The following MYO10 variants were observed in gnomAD, a reference collection of about 807,000 sequenced individuals.
MYO10 encodes unconventional myosin-X.
Under a neutral mutation model 257.3 loss-of-function variants are expected in MYO10, and 133 were observed. That is an observed-to-expected ratio of 0.52 (90% CI 0.45 to 0.60). MYO10 has a LOEUF of 0.60. Ranked by LOEUF, MYO10 falls within the 20% of genes least tolerant of loss-of-function variation. MYO10 has a pLI of 0.00. For synonymous variants in MYO10, 1,104 were observed against 1,028.6 expected (o/e 1.07, Z -1.40); for missense variants, 2,399 against 2,635.7 (o/e 0.91, Z 1.97).
chr5:16,788,400 C>T (rs1299305049), intron 4 of MYO10, among the ~76,000 whole-genome samples: 1 of 152,154 alleles, frequency 6.6e-6, no homozygotes, highest in Non-Finnish European at 1.5e-5. Flanking sequence ...TTATGACTGG[C>T]ATACTTTACC....
chr5:16,703,229 A>G (rs1738168810), intron 22 of MYO10, 71 bp from the exon 23 acceptor site: 6 of 1,205,126 alleles, frequency 5.0e-6, no homozygotes, highest in Non-Finnish European at 7.0e-6. Flanking sequence ...ATGAGCTCAC[A>G]TCAAGGCTAC....
intron 26 of MYO10, among the ~76,000 whole-genome samples, chr5:16,695,930 A>G (rs1471360921): frequency 6.6e-6 from 1 of 152,224 alleles, no homozygotes; most frequent in African/African-American, 2.4e-5. Flanking sequence ...CAAGCTGCAG[A>G]GCCGTGTCCT....
chr5:16,827,942 G>A (rs1489726097), intron 2 of MYO10, among the ~76,000 whole-genome samples: 1 of 152,096 alleles, frequency 6.6e-6, no homozygotes, highest in Non-Finnish European at 1.5e-5. Flanking sequence ...CACAGCACAG[G>A]GAGAGTTCAA....
intron 4 of MYO10, among the ~76,000 whole-genome samples, chr5:16,788,173 GA>G (rs1217508827): frequency 1.3e-5 from 2 of 152,138 alleles, no homozygotes; most frequent in Non-Finnish European, 2.9e-5. Context: ...GGTGATGCGG[GA>G]AGGGCCGCGG....
chr5:16,815,205 T>G (rs937422651), intron 3 of MYO10: 12 of 449,852 alleles, frequency 2.7e-5, no homozygotes, highest in African/African-American at 2.2e-4. Flanking sequence ...GACAGCAAAG[T>G]ATGAGTTTCA....
chr5:16,780,621 A>G lies in MYO10; in HGVS notation c.742-13T>C. The G allele has an allele frequency of 6.4e-7, 1 of 1,563,650 alleles. No individual in the cohort carries two copies. The highest frequency in any genetic ancestry group is 8.7e-7 in the Non-Finnish European group (1 of 1,149,778). On this transcript the variant is annotated splice_polypyrimidine_tract_variant and intron_variant, in intron 7 of 40. Transcript: ENST00000513610. ...TTACTACTCGGTTCTGGGAAGATAA[A>G]TCAGATTTATATTCAGAGATGTGTC...
At chr5:16,698,923 G>A (rs1020524344) in intron 26 of MYO10, among the ~76,000 whole-genome samples, 4 of 152,034 alleles carry the variant, frequency 2.6e-5, no homozygotes, top group Non-Finnish European at 4.4e-5. Context: ...ACGCCCGGCC[G>A]AGAACATGCA....
In MYO10 at chr5:16,766,208, A is replaced by G. The variant is rs755332220; in HGVS notation, c.1061-10T>C. 5 of 1,604,312 alleles carry G rather than the reference A, an allele frequency of 3.1e-6. No homozygotes were observed. Among genetic ancestry groups the G allele is most frequent in the Non-Finnish European group, 4.3e-6 (5 of 1,172,074 alleles). On this transcript the variant is annotated splice_polypyrimidine_tract_variant and intron_variant, in intron 10 of 40. Coordinates refer to ENST00000513610, the MANE Select transcript of MYO10 (RefSeq NM_012334.3). The stretch of plus-strand genomic sequence containing the variant: ...GCAGATCTGCCCAAAGCTGCAGAGA[A>G]TAAGACAAAGGTGAATGAACCCACC...
chr5:16,702,867 C>A (rs1002367118), intron 23 of MYO10, 58 bp downstream of exon 23: 8 of 1,451,324 alleles, frequency 5.5e-6, no homozygotes, highest in African/African-American at 1.4e-5. Flanking sequence ...AGACAGATAC[C>A]GAGCACAGCA....
At chr5:16,849,102 T>C (rs1239158709) in intron 2 of MYO10, among the ~76,000 whole-genome samples, 2 of 152,150 alleles carry the variant, frequency 1.3e-5, no homozygotes, top group African/African-American at 4.8e-5. Context: ...ACTACAGGTA[T>C]GAGCCACGGC....
At chr5:16,784,266 G>A (rs1412735163) in intron 4 of MYO10, among the ~76,000 whole-genome samples, 2 of 152,222 alleles carry the variant, frequency 1.3e-5, no homozygotes, top group Non-Finnish European at 2.9e-5. Context: ...GGGCTGAGAC[G>A]AAAGGCGGCA....
At chr5:16,929,565 C>CT (rs1197529641) in intron 1 of MYO10, among the ~76,000 whole-genome samples, 1 of 152,190 alleles carries the variant, frequency 6.6e-6, no homozygotes, top group Non-Finnish European at 1.5e-5. Context: ...CTTAACCTCT[C>CT]TGTGCCTCAC....
At chr5:16,908,056 A>C (rs902026577) in intron 1 of MYO10, among the ~76,000 whole-genome samples, 1 of 152,062 alleles carries the variant, frequency 6.6e-6, no homozygotes, top group Non-Finnish European at 1.5e-5. Context: ...AACATGGCAA[A>C]ACCCTGTCTC....
rs368517572 is a variant in MYO10 at position 16,739,169 on chromosome 5, C to T, written c.1929+15659G>A. On this transcript the variant is annotated intron_variant, in intron 19 of 40. Transcript: ENST00000513610. The stretch of plus-strand genomic sequence containing the variant: ...CTTGTAAATAGCCCCTGCACTCCAG[C>T]CTGGGCAACATAATCATGTCCCAAA... 1.3e-4 allele frequency among the ~76,000 whole-genome samples: 19 copies of T among 150,124 alleles called. No homozygotes were observed. In the East Asian group the frequency reaches 3.3e-3, roughly 26 times the overall value.
chr5:16,762,696 G>C, intron 14 of MYO10, 59 bp from the exon 15 acceptor site: 1 of 1,253,734 alleles, frequency 8.0e-7, no homozygotes, highest in Non-Finnish European at 1.1e-6. Context: ...TGCATGGGTA[G>C]CTCATGCCTG....
chr5:16,673,685 C>T lies in MYO10; in HGVS notation c.5169G>A (p.Gly1723=). The T allele has an allele frequency of 1.9e-6, 3 of 1,613,134 alleles. No homozygotes were observed. Among genetic ancestry groups the T allele is most frequent in the Non-Finnish European group, 2.5e-6 (3 of 1,179,512 alleles). The change falls in exon 36 of 41, where the codon GGG becomes GGA. Residue 1723 remains glycine, a synonymous_variant. Transcript: ENST00000513610. ...AGCAGCAGCTGCCTCTCCTCACCTC[C>T]CCAGCGGTGGTGTGGGAGTTGATGG... ...KITINSHTTA[G]EVVEKLIRGL...
At chr5:16,817,608 C>A (rs1049903753) in intron 3 of MYO10, among the ~76,000 whole-genome samples, 3 of 152,142 alleles carry the variant, frequency 2.0e-5, no homozygotes, top group Non-Finnish European at 4.4e-5. Context: ...TGAAAATCCA[C>A]AGAAAGAGAA....
At chr5:16,714,810 G>A in intron 19 of MYO10, among the ~76,000 whole-genome samples, 1 of 152,118 alleles carries the variant, frequency 6.6e-6, no homozygotes, top group East Asian at 1.9e-4. Context: ...GCGACAGAGC[G>A]AGAAAACAAC....
intron 1 of MYO10, among the ~76,000 whole-genome samples, chr5:16,884,324 A>G (rs1383181266): frequency 1.3e-5 from 2 of 152,116 alleles, no homozygotes; most frequent in Non-Finnish European, 2.9e-5. Flanking sequence ...GAGGCTGGGA[A>G]GTAAAGGGTA....
Sources: gnomAD v4.1 joint callset for allele counts (sites outside exome capture counted in the v4.1 genomes callset) on GRCh38, gnomAD v4.1.1 for gene constraint, MANE v1.5 for transcripts, NCBI Gene and HGNC (gene_info 2026-07-23, HGNC 2026-07-21) for gene names.